Variants in CDH13 observed in about 807,000 individuals in gnomAD.
CDH13 encodes cadherin-13.
A neutral mutation model predicts 63.8 loss-of-function variants in CDH13; 24 were observed. The observed-to-expected ratio is 0.38, with a 90% CI of 0.27 to 0.53. CDH13 has a LOEUF of 0.53. Ranked by LOEUF, CDH13 falls within the 20% of genes least tolerant of loss-of-function variation. CDH13 has a pLI of 0.85. For synonymous variants in CDH13, 503 were observed against 355.3 expected, an observed-to-expected ratio of 1.42 and a Z score of -4.67; for missense variants, 1,049 against 903.1, an observed-to-expected ratio of 1.16 and a Z score of -2.07.
Position 83,454,850 on chromosome 16 carries a change from G to C in CDH13, c.782-31627G>C, listed in dbSNP as rs1413888414. Among the ~76,000 whole-genome samples the C allele has an allele frequency of 2.6e-5, 4 of 152,112 alleles. No homozygotes were observed. In the East Asian group the frequency reaches 5.8e-4, roughly 22 times the overall value. ...GCCTCCTGAGTAGCTGGGATTACAG[G>C]CCCCTGCCACCACACCTGGCTAAGT... is the stretch of plus-strand genomic sequence containing the variant. On this transcript the variant is annotated intron_variant, in intron 6 of 13. Coordinates refer to ENST00000567109, the MANE Select transcript of CDH13 (RefSeq NM_001257.5).
At chr16:82,832,732 G>C (rs2038602081) in intron 1 of CDH13, among the ~76,000 whole-genome samples, 1 of 152,100 alleles carries the variant, frequency 6.6e-6, no homozygotes, top group South Asian at 2.1e-4. Flanking sequence ...TTTGCATCTG[G>C]ATCAGTCAGC....
At chr16:83,113,543 CT>C (rs1469543637) in intron 3 of CDH13, among the ~76,000 whole-genome samples, 4 of 152,246 alleles carry the variant, frequency 2.6e-5, no homozygotes, top group African/African-American at 9.6e-5. Context: ...CCTTACGGAG[CT>C]GGGAGCCTTG....
At chr16:83,216,431 T>TATATATATATATAA (rs2039527774) in intron 4 of CDH13, among the ~76,000 whole-genome samples, 1 of 116,340 alleles carries the variant, frequency 8.6e-6, no homozygotes, top group Admixed American at 9.4e-5. Context: ...TATATATATA[T>TATATATATATATAA]ATATATATAT....
chr16:82,660,176 T>C (rs1050992669), intron 1 of CDH13, among the ~76,000 whole-genome samples: 1 of 152,136 alleles, frequency 6.6e-6, no homozygotes, highest in East Asian at 1.9e-4. Flanking sequence ...AGGGAAAATG[T>C]GACCCAGAAA....
At chr16:82,752,569 G>T (rs1050521835) in intron 1 of CDH13, among the ~76,000 whole-genome samples, 1 of 152,224 alleles carries the variant, frequency 6.6e-6, no homozygotes, top group Admixed American at 6.5e-5. Flanking sequence ...CTTTGAAAAT[G>T]TCCAATTCTC....
intron 8 of CDH13, among the ~76,000 whole-genome samples, chr16:83,622,718 T>C (rs1909926889): frequency 6.6e-6 from 1 of 152,244 alleles, no homozygotes; most frequent in Non-Finnish European, 1.5e-5. Flanking sequence ...TTTACATTTA[T>C]GATAGTCGTT....
Position 83,125,369 on chromosome 16 carries a change from T to A in CDH13, c.367-16T>A. The A allele has an allele frequency of 7.5e-7, 1 of 1,332,774 alleles. No homozygotes were observed. The highest frequency in any genetic ancestry group is 1.8e-4 in the Middle Eastern group (1 of 5,496). 82.6% of individuals were successfully genotyped at this position (1,332,774 alleles called of 1,614,324 possible). ...CAATGGGAGATTTTAATCAATCCTT[T>A]TGTTTTCCCTTTTAGGATATATTTA... On this transcript the variant is annotated splice_polypyrimidine_tract_variant and intron_variant, in intron 3 of 13. Coordinates refer to ENST00000567109, the MANE Select transcript of CDH13 (RefSeq NM_001257.5).
At chr16:83,148,847 C>T (rs1196605468) in intron 4 of CDH13, among the ~76,000 whole-genome samples, 1 of 151,774 alleles carries the variant, frequency 6.6e-6, no homozygotes, top group East Asian at 1.9e-4. Context: ...TTTTTAAAGA[C>T]CGCTTTCAGC....
intron 7 of CDH13, among the ~76,000 whole-genome samples, chr16:83,582,682 A>G (rs988610939): frequency 6.6e-6 from 1 of 152,200 alleles, no homozygotes; most frequent in Non-Finnish European, 1.5e-5. Context: ...AACCACTGCA[A>G]AGAGCCACAA....
intron 8 of CDH13, among the ~76,000 whole-genome samples, chr16:83,662,478 C>A (rs1913526270): frequency 6.6e-6 from 1 of 152,174 alleles, no homozygotes; most frequent in South Asian, 2.1e-4. Flanking sequence ...GTGTTTTAGA[C>A]TGAAATCTTT....
At chr16:83,579,488 G>GA (rs536377539) in intron 7 of CDH13, among the ~76,000 whole-genome samples, 115 of 152,098 alleles carry the variant, frequency 7.6e-4, no homozygotes, top group Admixed American at 5.0e-3. Context: ...AGAGAAGGGG[G>GA]AGGCACTACA....
At chr16:82,866,377 C>CTTCTTTTTTTTTTTTTTTTTTT (rs1219841320) in intron 2 of CDH13, among the ~76,000 whole-genome samples, 1 of 58,298 alleles carries the variant, frequency 1.7e-5, no homozygotes, top group African/African-American at 8.7e-5. Flanking sequence ...TTTTCTTCTT[C>CTTCTTTTTTTTTTTTTTTTTTT]TTTTTTTTTT....
chr16:83,710,968 C>G (rs1473656134), intron 10 of CDH13, among the ~76,000 whole-genome samples: 1 of 152,174 alleles, frequency 6.6e-6, no homozygotes, highest in African/African-American at 2.4e-5. Context: ...TAGCAAAATT[C>G]TACAGGCATA....
intron 6 of CDH13, among the ~76,000 whole-genome samples, chr16:83,473,041 C>G (rs992373724): frequency 2.6e-5 from 4 of 152,192 alleles, no homozygotes; most frequent in Admixed American, 2.6e-4. Flanking sequence ...CTACCCCAGT[C>G]TGTGAGCCCA....
chr16:83,155,378 A>G (rs753665934), intron 4 of CDH13, among the ~76,000 whole-genome samples: 3 of 152,206 alleles, frequency 2.0e-5, no homozygotes, highest in African/African-American at 4.8e-5. Flanking sequence ...TTAGAGGTTG[A>G]AAGGCCAAGA....
intron 5 of CDH13, among the ~76,000 whole-genome samples, chr16:83,341,256 G>C (rs935997287): frequency 6.6e-6 from 1 of 152,176 alleles, no homozygotes; most frequent in Non-Finnish European, 1.5e-5. Context: ...ATTTCAATTA[G>C]GAAGAAAGAA....
At chr16:83,264,530 ATATG>A (rs1265222942) in intron 5 of CDH13, among the ~76,000 whole-genome samples, 1 of 132,528 alleles carries the variant, frequency 7.5e-6, no homozygotes, top group African/African-American at 2.8e-5. Flanking sequence ...GTATATATGT[ATATG>A]TGTGTGTATA....
intron 2 of CDH13, among the ~76,000 whole-genome samples, chr16:82,965,739 A>T (rs1241779616): frequency 6.6e-6 from 1 of 152,166 alleles, no homozygotes; most frequent in Middle Eastern, 3.2e-3. Context: ...GTGATCTGCC[A>T]GCCTCAGTCT....
Position 82,858,853 on chromosome 16 carries a change from C to G in CDH13, c.157+380C>G, listed in dbSNP as rs908532703. The G allele has an allele frequency of 1.8e-5, 5 of 276,700 alleles. No individual in the cohort carries two copies. The East Asian group carries it at 2.6e-4, about 14-fold the overall frequency. 17.1% of individuals were successfully genotyped at this position (276,700 alleles called of 1,614,324 possible). A position where few individuals can be genotyped will look rare whatever the true frequency, so the allele number is the denominator to read the frequency against. On this transcript the variant is annotated intron_variant, in intron 2 of 13. Transcript: ENST00000567109. ...GCTGTTCTACCTGTAGTTTCTCATA[C>G]ATAGCATTAGATCAAAATAATGGTG...
Sources: gnomAD v4.1 joint callset for allele counts (sites outside exome capture counted in the v4.1 genomes callset) on GRCh38, gnomAD v4.1.1 for gene constraint, MANE v1.5 for transcripts, NCBI Gene and HGNC (gene_info 2026-07-23, HGNC 2026-07-21) for gene names.